Variants in CERS4 observed in about 807,000 individuals in gnomAD.
The protein encoded by CERS4 is ceramide synthase 4.
CERS4 carries 65 observed loss-of-function variants against 51.8 expected under a neutral mutation model. The observed-to-expected ratio is 1.26, with a 90% CI of 1.03 to 1.54. CERS4 has a LOEUF of 1.54. Among genes scored for constraint, CERS4 ranks in the 40% most tolerant of loss-of-function variants. The probability of loss-of-function intolerance (pLI) is 0.00; values close to 1 mark genes in which losing one functional copy is unlikely to be tolerated. For missense variants in CERS4, 563 were observed against 500.4 expected (o/e 1.13, Z -1.19); for synonymous variants, 228 against 208.4 (o/e 1.09, Z -0.81).
intron 2 of CERS4, among the ~76,000 whole-genome samples, chr19:8,212,519 A>G (rs1967119856): frequency 6.6e-6 from 1 of 152,090 alleles, no homozygotes; most frequent in African/African-American, 2.4e-5. Flanking sequence ...GGGCAGAAGG[A>G]AAACCAGGAG....
chr19:8,222,566 T>C (rs969550692), intron 2 of CERS4, among the ~76,000 whole-genome samples: 2 of 151,600 alleles, frequency 1.3e-5, no homozygotes, highest in African/African-American at 4.9e-5. Flanking sequence ...TGGTGTGATC[T>C]TGGCTCACGG....
chr19:8,258,334 T>C (rs572100281), intron 10 of CERS4, among the ~76,000 whole-genome samples: 1 of 152,204 alleles, frequency 6.6e-6, no homozygotes, highest in South Asian at 2.1e-4. Context: ...TGAGCAGACA[T>C]TGCATGGGTG....
intron 2 of CERS4, among the ~76,000 whole-genome samples, chr19:8,224,545 C>G (rs374573983): frequency 4.5e-4 from 68 of 152,096 alleles, no homozygotes; most frequent in African/African-American, 1.3e-3. Flanking sequence ...TGAACAGAGT[C>G]GTGAAGAGCT....
At chr19:8,221,486 G>T (rs1352753653) in intron 2 of CERS4, among the ~76,000 whole-genome samples, 2 of 151,970 alleles carry the variant, frequency 1.3e-5, no homozygotes, top group Non-Finnish European at 2.9e-5. Flanking sequence ...GAGAGAAAGT[G>T]TCTTCTGAAA....
chr19:8,258,935 A>C (rs1033781134), intron 10 of CERS4, among the ~76,000 whole-genome samples: 1 of 151,904 alleles, frequency 6.6e-6, no homozygotes, highest in Non-Finnish European at 1.5e-5. Context: ...GGAGATCGAG[A>C]CCACTTTGGC....
Position 8,245,126 on chromosome 19 carries a change from A to ACAAAAAAAAACAAAAAAAAACAAAC in CERS4, c.-1-5950_-1-5949insCAAAAAAAAACAAAAAAAAACAAAC, listed in dbSNP as rs1555777241. Among the ~76,000 whole-genome samples, 752 of 148,228 alleles carry ACAAAAAAAAACAAAAAAAAACAAAC rather than the reference A, an allele frequency of 5.1e-3. 7 individuals carry two copies. Among genetic ancestry groups the ACAAAAAAAAACAAAAAAAAACAAAC allele is most frequent in the Non-Finnish European group, 7.5e-3 (503 of 67,270 alleles). ...GACTCCATCTCAAAAAAAAAAAAAA[A>ACAAAAAAAAACAAAAAAAAACAAAC]AAAAAAAAACACTCTTGGCTTCAAG... On this transcript the variant is annotated intron_variant, in intron 2 of 11. Transcript: ENST00000251363.
chr19:8,256,423 G>A, intron 7 of CERS4, 137 bp downstream of exon 7: 1 of 1,045,392 alleles, frequency 9.6e-7, no homozygotes, highest in South Asian at 1.6e-5. Context: ...ATTCCTCTGG[G>A]GAATAGAGAG....
At chr19:8,217,408 G>A (rs1173468674) in intron 2 of CERS4, among the ~76,000 whole-genome samples, 1 of 151,884 alleles carries the variant, frequency 6.6e-6, no homozygotes, top group Non-Finnish European at 1.5e-5. Flanking sequence ...TCGCTCTGTC[G>A]CTCAGGCTGG....
At chr19:8,240,614 G>GTGTGTGTGTGTGTGTT (rs148847272) in intron 2 of CERS4, 1 of 152,400 alleles carries the variant, frequency 6.6e-6, no homozygotes, top group African/African-American at 2.4e-5. Flanking sequence ...GTGTGTGTGT[G>GTGTGTGTGTGTGTGTT]TTTTCATCTC....
intron 3 of CERS4, among the ~76,000 whole-genome samples, chr19:8,253,934 G>A (rs2145307237): frequency 6.6e-6 from 1 of 152,176 alleles, no homozygotes; most frequent in Non-Finnish European, 1.5e-5. Context: ...AGGGCCCCAG[G>A]GGATGAGGCC....
At position 8,238,584 on chromosome 19, in the gene CERS4, C is replaced by T. The variant is rs1396112232; in HGVS notation, c.-1-12492C>T. 3.0e-6 allele frequency: 3 copies of T among 985,232 alleles called. No individual in the cohort carries two copies. In the African/African-American group the frequency reaches 5.2e-5, roughly 17 times the overall value. The allele number at this position is 985,232 out of a possible 1,614,324, so 61.0% of individuals were successfully genotyped here. On this transcript the variant is annotated intron_variant, in intron 2 of 11. Coordinates refer to ENST00000251363, the MANE Select transcript of CERS4 (RefSeq NM_024552.3). The stretch of plus-strand genomic sequence containing the variant: ...GTAAGGAGGTGGAGGCCCCTCTTTA[C>T]TTCCTTCCCACAGCAGGCACCAGGC...
chr19:8,256,540 G>T, intron 7 of CERS4, 78 bp from the exon 8 acceptor site: 2 of 1,347,250 alleles, frequency 1.5e-6, no homozygotes, highest in Non-Finnish European at 2.1e-6. Context: ...TTGAGCAAAC[G>T]GAGTGGGCCC....
At chr19:8,212,217 G>A (rs1299468790) in intron 2 of CERS4, among the ~76,000 whole-genome samples, 5 of 152,288 alleles carry the variant, frequency 3.3e-5, no homozygotes, top group African/African-American at 1.2e-4. Context: ...GGAACAGACT[G>A]CAGGGGTCGA....
At chr19:8,254,431 C>A in intron 3 of CERS4, 68 bp from the exon 4 acceptor site, 1 of 1,458,048 alleles carries the variant, frequency 6.9e-7, no homozygotes. Flanking sequence ...GGCAGCATGT[C>A]TGCCCCCACA....
chr19:8,260,174 G>T (rs1335525371), intron 10 of CERS4, among the ~76,000 whole-genome samples: 2 of 151,940 alleles, frequency 1.3e-5, no homozygotes, highest in East Asian at 3.9e-4. Flanking sequence ...AGCTGATTGG[G>T]GGGTAGGAGA....
chr19:8,226,718 C>T (rs1967803447), intron 2 of CERS4, among the ~76,000 whole-genome samples: 1 of 152,090 alleles, frequency 6.6e-6, no homozygotes, highest in South Asian at 2.1e-4. Flanking sequence ...CCAGACTGGG[C>T]ACAGTGGCTC....
chr19:8,219,148 C>T (rs147017222), intron 2 of CERS4, among the ~76,000 whole-genome samples: 2,886 of 152,162 alleles, frequency 0.019, 115 homozygotes, highest in African/African-American at 0.067. Context: ...CGGAGGTTGC[C>T]GTGAGCCTAG....
Position 8,261,924 on chromosome 19 carries a change from C to T in CERS4, c.1006-6C>T, listed in dbSNP as rs534378217. On this transcript the variant is annotated splice_region_variant and splice_polypyrimidine_tract_variant and intron_variant, in intron 11 of 11. Transcript: ENST00000251363. The stretch of plus-strand genomic sequence containing the variant: ...TCTGAGCTCCATCCCTCTCTCTGTT[C>T]CCCAGATGGAGAAGGACATTCGTAG... 1.9e-6 allele frequency: 3 copies of T among 1,608,762 alleles called. No individual in the cohort carries two copies. The African/African-American group carries it at 4.0e-5, about 22-fold the overall frequency.
chr19:8,211,139 T>C (rs1028262932), intron 2 of CERS4, among the ~76,000 whole-genome samples: 2 of 152,030 alleles, frequency 1.3e-5, no homozygotes, highest in Non-Finnish European at 2.9e-5. Flanking sequence ...TTCACAACAG[T>C]GTCCACCTCC....
Sources: gnomAD v4.1 joint callset for allele counts (sites outside exome capture counted in the v4.1 genomes callset) on GRCh38, gnomAD v4.1.1 for gene constraint, MANE v1.5 for transcripts, NCBI Gene and HGNC (gene_info 2026-07-23, HGNC 2026-07-21) for gene names.